The following IGF1 variants were observed in gnomAD, a reference collection of about 807,000 sequenced individuals.
IGF1 encodes the protein insulin like growth factor 1.
IGF1 carries 4 observed loss-of-function variants against 13.8 expected under a neutral mutation model. The observed-to-expected ratio is 0.29, with a 90% confidence interval of 0.14 to 0.66. IGF1 has a LOEUF of 0.66. Among genes scored for constraint, IGF1 ranks in the 30% least tolerant of loss-of-function variants. The pLI, the probability that IGF1 is intolerant of heterozygous loss-of-function variation, is 0.78. For missense variants in IGF1, 124 were observed against 188.5 expected (o/e 0.66, Z 2.00); for synonymous variants, 76 against 72.6 (o/e 1.05, Z -0.23).
intron 2 of IGF1, among the ~76,000 whole-genome samples, chr12:102,437,110 GA>G (rs894084586): frequency 1.3e-5 from 2 of 152,160 alleles, no homozygotes; most frequent in African/African-American, 4.8e-5. Context: ...CCTTCTCAAC[GA>G]ATCTATTTCT....
Sources: gnomAD v4.1 joint callset for allele counts (sites outside exome capture counted in the v4.1 genomes callset) on GRCh38, gnomAD v4.1.1 for gene constraint, MANE v1.5 for transcripts, NCBI Gene and HGNC (gene_info 2026-07-23, HGNC 2026-07-21) for gene names.